NRXN1: variants seen among roughly 807,000 people sequenced by gnomAD.
The protein encoded by NRXN1 is neurexin 1.
A neutral mutation model predicts 150.9 loss-of-function variants in NRXN1; 39 were observed. The ratio of observed to expected loss-of-function variants is 0.26; its 90% confidence interval spans 0.20 to 0.34. NRXN1 has a LOEUF of 0.34. Among genes scored for constraint, NRXN1 ranks in the 10% least tolerant of loss-of-function variants. The pLI is 1.00. For missense variants in NRXN1, 1,815 were observed against 1,949.9 expected, an observed-to-expected ratio of 0.93 and a Z score of 1.30; for synonymous variants, 924 against 757.0, an observed-to-expected ratio of 1.22 and a Z score of -3.62.
chr2:50,497,834 T>G, intron 13 of NRXN1, 120 bp from the exon 14 acceptor site: 1 of 838,118 alleles, frequency 1.2e-6, no homozygotes, highest in Non-Finnish European at 1.8e-6. Flanking sequence ...TGGTACTCAG[T>G]TGCATATAGG....
At chr2:50,945,899 TACAC>T (rs1553403042) in intron 2 of NRXN1, among the ~76,000 whole-genome samples, 84 of 102,996 alleles carry the variant, frequency 8.2e-4, no homozygotes, top group African/African-American at 1.8e-3. Context: ...TATATATATA[TACAC>T]ACACACACAC....
intron 17 of NRXN1, among the ~76,000 whole-genome samples, chr2:50,324,978 T>A (rs1194675788): frequency 1.3e-5 from 2 of 152,254 alleles, no homozygotes; most frequent in East Asian, 1.9e-4. Flanking sequence ...TACCCAGAAT[T>A]TCAGGTGGAA....
At chr2:50,703,893 C>T (rs554064015) in intron 5 of NRXN1, among the ~76,000 whole-genome samples, 5 of 151,938 alleles carry the variant, frequency 3.3e-5, no homozygotes, top group South Asian at 2.1e-4. Flanking sequence ...ATCGTTTCTA[C>T]GTGGTAAAGG....
intron 17 of NRXN1, among the ~76,000 whole-genome samples, chr2:50,458,818 G>A (rs984786584): frequency 6.6e-6 from 1 of 152,160 alleles, no homozygotes; most frequent in South Asian, 2.1e-4. Context: ...CTAATCTTGT[G>A]ATCCATCTGC....
At chr2:50,113,271 T>A (rs1702611813) in intron 18 of NRXN1, among the ~76,000 whole-genome samples, 1 of 152,234 alleles carries the variant, frequency 6.6e-6, no homozygotes, top group African/African-American at 2.4e-5. Flanking sequence ...TGTATATCCT[T>A]ATTGCACATA....
intron 18 of NRXN1, among the ~76,000 whole-genome samples, chr2:50,103,884 A>AACAG (rs1356111475): frequency 6.6e-6 from 1 of 151,264 alleles, no homozygotes; most frequent in Non-Finnish European, 1.5e-5. Context: ...CAAACAAACA[A>AACAG]ACACACTTTC....
At chr2:50,384,819 CA>C (rs1274805340) in intron 17 of NRXN1, among the ~76,000 whole-genome samples, 1 of 152,170 alleles carries the variant, frequency 6.6e-6, no homozygotes, top group Non-Finnish European at 1.5e-5. Context: ...TCTCCACCTA[CA>C]CATGGGCCTG....
At chr2:50,978,760 G>A (rs1403248521) in intron 2 of NRXN1, among the ~76,000 whole-genome samples, 2 of 151,922 alleles carry the variant, frequency 1.3e-5, no homozygotes, top group African/African-American at 2.4e-5. Context: ...ACACTTCTTT[G>A]TGCTTTTCCC....
chr2:50,886,238 G>T (rs1330173402), intron 5 of NRXN1, among the ~76,000 whole-genome samples: 3 of 151,250 alleles, frequency 2.0e-5, no homozygotes, highest in Non-Finnish European at 4.4e-5. Context: ...CCATAGAAAT[G>T]AGGAGAATGA....
chr2:50,528,506 T>C, intron 12 of NRXN1, 119 bp downstream of exon 12: 3 of 671,392 alleles, frequency 4.5e-6, no homozygotes, highest in Non-Finnish European at 7.8e-6. Flanking sequence ...TGGTATACTT[T>C]AAAAGTGAGC....
At chr2:50,272,272 C>A (rs1434362405) in intron 17 of NRXN1, among the ~76,000 whole-genome samples, 1 of 152,158 alleles carries the variant, frequency 6.6e-6, no homozygotes, top group Non-Finnish European at 1.5e-5. Flanking sequence ...CCTATGACAC[C>A]AGTTCACTAT....
intron 18 of NRXN1, among the ~76,000 whole-genome samples, chr2:50,124,178 G>A (rs1704248921): frequency 6.6e-6 from 1 of 151,996 alleles, no homozygotes; most frequent in African/African-American, 2.4e-5. Context: ...TGCTGAGGAG[G>A]GAATGATCAA....
chr2:50,800,119 G>T (rs969946391), intron 5 of NRXN1, among the ~76,000 whole-genome samples: 7 of 152,038 alleles, frequency 4.6e-5, no homozygotes, highest in African/African-American at 1.4e-4. Context: ...CAGGAATAAC[G>T]CACTGTTTTA....
chr2:49,978,231 G>A (rs1251449924), intron 21 of NRXN1, among the ~76,000 whole-genome samples: 1 of 152,064 alleles, frequency 6.6e-6, no homozygotes, highest in East Asian at 1.9e-4. Flanking sequence ...TAAAGGAGAG[G>A]AAACTTCTGT....
intron 17 of NRXN1, among the ~76,000 whole-genome samples, chr2:50,440,525 A>C (rs1242703434): frequency 2.6e-5 from 4 of 152,142 alleles, no homozygotes; most frequent in Non-Finnish European, 1.5e-5. Flanking sequence ...ATAGATGTCA[A>C]GTTTAAATGA....
chr2:50,254,035 A>G (rs945804321), intron 17 of NRXN1, among the ~76,000 whole-genome samples: 8 of 151,916 alleles, frequency 5.3e-5, no homozygotes, highest in Admixed American at 4.6e-4. Context: ...CTGTAATTCC[A>G]TCTGGTCCTG....
At chr2:49,933,809 A>G (rs1458892575) in intron 22 of NRXN1, among the ~76,000 whole-genome samples, 2 of 152,182 alleles carry the variant, frequency 1.3e-5, no homozygotes, top group African/African-American at 4.8e-5. Flanking sequence ...TGTCCCAACA[A>G]TTATACAGTT....
In NRXN1 at chr2:50,967,627, T is replaced by C. The variant is rs370888488; in HGVS notation, c.773-41672A>G. 4.3e-4 allele frequency among the ~76,000 whole-genome samples: 66 copies of C among 152,132 alleles called. No individual in the cohort carries two copies. The South Asian group carries it at 0.013, about 31-fold the overall frequency. On this transcript the variant is annotated intron_variant, in intron 2 of 22. Coordinates refer to ENST00000401669, the MANE Select transcript of NRXN1 (RefSeq NM_001330078.2). Reference sequence around the variant, plus strand: ...ATGTAATGATTTTTAGCACAGAAATTATTTACCTTAAACTAAGTACTAAAT... The same window carrying C: ...ATGTAATGATTTTTAGCACAGAAATCATTTACCTTAAACTAAGTACTAAAT...
At chr2:50,382,951 C>T (rs1192345998) in intron 17 of NRXN1, among the ~76,000 whole-genome samples, 5 of 152,166 alleles carry the variant, frequency 3.3e-5, no homozygotes, top group African/African-American at 9.7e-5. Context: ...CCTCCTGGTA[C>T]TTATCCTCAC....
Sources: gnomAD v4.1 joint callset for allele counts (sites outside exome capture counted in the v4.1 genomes callset) on GRCh38, gnomAD v4.1.1 for gene constraint, MANE v1.5 for transcripts, NCBI Gene and HGNC (gene_info 2026-07-23, HGNC 2026-07-21) for gene names.